PIK3C2G: variants seen among roughly 807,000 people sequenced by gnomAD.
PIK3C2G encodes phosphatidylinositol 3-kinase C2 domain-containing subunit gamma.
A neutral mutation model predicts 181.1 loss-of-function variants in PIK3C2G; 168 were observed. The ratio of observed to expected loss-of-function variants is 0.93; its 90% CI spans 0.82 to 1.05. PIK3C2G has a LOEUF of 1.05. Among genes scored for constraint, PIK3C2G ranks in the 50% least tolerant of loss-of-function variants. The pLI is 0.00. For synonymous variants in PIK3C2G, 573 were observed against 592.2 expected (o/e 0.97, Z 0.47); for missense variants, 1,869 against 1,732.8 (o/e 1.08, Z -1.40).
intron 20 of PIK3C2G, among the ~76,000 whole-genome samples, chr12:18,495,589 C>A (rs1307019068): frequency 6.6e-6 from 1 of 152,094 alleles, no homozygotes; most frequent in Non-Finnish European, 1.5e-5. Context: ...CACTTTACAG[C>A]AAATTAGTTA....
intron 26 of PIK3C2G, among the ~76,000 whole-genome samples, chr12:18,562,248 C>T (rs1945385212): frequency 6.6e-6 from 1 of 152,170 alleles, no homozygotes; most frequent in South Asian, 2.1e-4. Flanking sequence ...TCTCCTGCCT[C>T]AGGCTCCCGA....
intron 30 of PIK3C2G, among the ~76,000 whole-genome samples, chr12:18,597,332 G>A (rs917083615): frequency 4.6e-5 from 7 of 151,894 alleles, no homozygotes; most frequent in African/African-American, 1.7e-4. Context: ...ATTAAATAAA[G>A]GCAGCTGCTA....
chr12:18,388,963 A>T (rs1374606377), intron 14 of PIK3C2G, among the ~76,000 whole-genome samples: 2 of 152,146 alleles, frequency 1.3e-5, no homozygotes, highest in Non-Finnish European at 2.9e-5. Flanking sequence ...TAAAATAAGG[A>T]GTGCATCCTC....
intron 22 of PIK3C2G, among the ~76,000 whole-genome samples, chr12:18,500,240 G>GCGGC (rs923861468): frequency 6.6e-6 from 1 of 151,880 alleles, no homozygotes; most frequent in Non-Finnish European, 1.5e-5. Context: ...CGCACTCGGA[G>GCGGC]CGGCCGGCCG....
chr12:18,572,414 A>C (rs985421351), intron 29 of PIK3C2G, among the ~76,000 whole-genome samples: 3 of 148,810 alleles, frequency 2.0e-5, no homozygotes, highest in African/African-American at 4.9e-5. Flanking sequence ...ATTAAATATA[A>C]AATTTATATA....
downstream of PIK3C2G, among the ~76,000 whole-genome samples, chr12:18,650,392 TAC>T (rs1354170128): frequency 1.5e-5 from 2 of 135,742 alleles, no homozygotes; most frequent in Non-Finnish European, 3.1e-5. Context: ...TGTCTGTGTA[TAC>T]ACACACATTT....
At chr12:18,481,416 TC>T (rs1939551570) in intron 18 of PIK3C2G, among the ~76,000 whole-genome samples, 1 of 152,160 alleles carries the variant, frequency 6.6e-6, no homozygotes, top group Non-Finnish European at 1.5e-5. Flanking sequence ...GTTTTTTCCC[TC>T]CATAGCTACC....
intron 31 of PIK3C2G, among the ~76,000 whole-genome samples, chr12:18,624,349 G>A (rs1948997467): frequency 1.3e-5 from 2 of 151,746 alleles, no homozygotes; most frequent in Admixed American, 1.3e-4. Context: ...ATTTGCATAT[G>A]TAGAATCATC....
chr12:18,687,941 G>A, the PIK3C2G span: 1 of 920,774 alleles, frequency 1.1e-6, no homozygotes, highest in Non-Finnish European at 1.6e-6. Context: ...TGTTTTTGTT[G>A]CATATAACAT....
At chr12:18,688,186 A>G in the PIK3C2G span, 1 of 1,610,914 alleles carries the variant, frequency 6.2e-7, no homozygotes, top group Non-Finnish European at 8.5e-7. Flanking sequence ...TAGATGATGA[A>G]TGAGTAAGAG....
chr12:18,526,783 TACTC>T (rs1282969123), intron 24 of PIK3C2G, among the ~76,000 whole-genome samples: 9 of 152,250 alleles, frequency 5.9e-5, no homozygotes, highest in African/African-American at 2.2e-4. Context: ...CGCTCTCACT[TACTC>T]ACACGGACCA....
intron 1 of PIK3C2G, among the ~76,000 whole-genome samples, chr12:18,264,727 A>G (rs1464829579): frequency 6.6e-6 from 1 of 152,114 alleles, no homozygotes; most frequent in Non-Finnish European, 1.5e-5. Flanking sequence ...CAGCTGTGTG[A>G]GCAGACAGGC....
intron 24 of PIK3C2G, among the ~76,000 whole-genome samples, chr12:18,524,486 A>C (rs934514574): frequency 6.6e-6 from 1 of 151,656 alleles, no homozygotes; most frequent in Admixed American, 6.6e-5. Context: ...CACTCTTCCA[A>C]TGTGTTATTT....
At chr12:18,285,260 C>T (rs1333599243) in intron 2 of PIK3C2G, 1 of 151,978 alleles carries the variant, frequency 6.6e-6, no homozygotes, top group Non-Finnish European at 1.5e-5. Flanking sequence ...CTTCTATATC[C>T]ACTGAGTATA....
At chr12:18,399,036 A>C (rs1338860619) in intron 15 of PIK3C2G, among the ~76,000 whole-genome samples, 1 of 148,550 alleles carries the variant, frequency 6.7e-6, no homozygotes, top group African/African-American at 2.5e-5. Context: ...TCTACTAAAA[A>C]TACAAAAAAT....
chr12:18,298,408 C>CTTTT (rs71061295), intron 5 of PIK3C2G, among the ~76,000 whole-genome samples: 2,045 of 138,374 alleles, frequency 0.015, 56 homozygotes, highest in African/African-American at 0.05. Context: ...TGTGTTTTTT[C>CTTTT]TTTTTTTTTT....
intron 29 of PIK3C2G, among the ~76,000 whole-genome samples, chr12:18,571,788 T>C (rs1285204041): frequency 6.6e-6 from 1 of 150,820 alleles, no homozygotes; most frequent in Non-Finnish European, 1.5e-5. Context: ...GGTTTTTTTC[T>C]AAATCCAGTA....
chr12:18,320,442 C>T (rs1951058609), intron 6 of PIK3C2G, among the ~76,000 whole-genome samples: 1 of 152,160 alleles, frequency 6.6e-6, no homozygotes, highest in Admixed American at 6.5e-5. Context: ...AACATTTATA[C>T]CTACCAGTAA....
intron 1 of PIK3C2G, among the ~76,000 whole-genome samples, chr12:18,275,943 C>A (rs910371378): frequency 6.6e-6 from 1 of 152,048 alleles, no homozygotes; most frequent in Non-Finnish European, 1.5e-5. Context: ...ATCTGAGCAG[C>A]AAATAAATTA....
Sources: gnomAD v4.1 joint callset for allele counts (sites outside exome capture counted in the v4.1 genomes callset) on GRCh38, gnomAD v4.1.1 for gene constraint, MANE v1.5 for transcripts, NCBI Gene and HGNC (gene_info 2026-07-23, HGNC 2026-07-21) for gene names.